Variants in CSMD1 observed in about 807,000 individuals in gnomAD.
CSMD1 encodes the protein CUB and sushi domain-containing protein 1.
In CSMD1, 213 loss-of-function variants were observed where a neutral mutation model predicts 417.5. The observed-to-expected ratio is 0.51, with a 90% CI of 0.46 to 0.57. The LOEUF is 0.57. CSMD1 is among the 20% of genes least tolerant of loss of function. The pLI is 0.00. For missense variants in CSMD1, 6,923 were observed against 4,529.7 expected, an observed-to-expected ratio of 1.53 and a Z score of -15.17; for synonymous variants, 2,862 against 1,736.8, an observed-to-expected ratio of 1.65 and a Z score of -16.11.
chr8:3,864,929 A>C (rs946365567), intron 5 of CSMD1, among the ~76,000 whole-genome samples: 1 of 152,174 alleles, frequency 6.6e-6, no homozygotes, highest in African/African-American at 2.4e-5. Context: ...GTGGTCTCGG[A>C]CTTCTGTTCT....
At chr8:3,841,313 C>T (rs1320079570) in intron 5 of CSMD1, among the ~76,000 whole-genome samples, 2 of 152,082 alleles carry the variant, frequency 1.3e-5, no homozygotes, top group Non-Finnish European at 2.9e-5. Context: ...CATAGATTGG[C>T]AAAATAAATT....
chr8:2,957,867 G>T, intron 62 of CSMD1, 60 bp from the exon 63 acceptor site: 1 of 1,159,024 alleles, frequency 8.6e-7, no homozygotes, highest in Non-Finnish European at 1.3e-6. Context: ...GTGTCAACTA[G>T]TGATACCTGA....
At chr8:4,879,678 G>A (rs985298218) in intron 1 of CSMD1, among the ~76,000 whole-genome samples, 1 of 151,950 alleles carries the variant, frequency 6.6e-6, no homozygotes, top group Admixed American at 6.6e-5. Context: ...TAGAAAGCAG[G>A]AGAATCGGGA....
intron 2 of CSMD1, among the ~76,000 whole-genome samples, chr8:4,561,134 G>A (rs144945024): frequency 6.6e-6 from 1 of 152,150 alleles, no homozygotes; most frequent in Admixed American, 6.5e-5. Context: ...TAATTTGAGA[G>A]GCCAAGGCAG....
At chr8:3,387,119 G>C (rs949541949) in intron 18 of CSMD1, among the ~76,000 whole-genome samples, 5 of 152,102 alleles carry the variant, frequency 3.3e-5, no homozygotes, top group Non-Finnish European at 4.4e-5. Context: ...TGTAGACTGA[G>C]AGGAAGTGAG....
intron 4 of CSMD1, among the ~76,000 whole-genome samples, chr8:4,007,618 T>C (rs1816228912): frequency 6.6e-6 from 1 of 152,228 alleles, no homozygotes; most frequent in South Asian, 2.1e-4. Context: ...ATGAGCCTGT[T>C]CTTGCACTTG....
intron 5 of CSMD1, among the ~76,000 whole-genome samples, chr8:3,819,106 G>C (rs1801566720): frequency 6.6e-6 from 1 of 152,190 alleles, no homozygotes; most frequent in Non-Finnish European, 1.5e-5. Flanking sequence ...GAAAAGTGTA[G>C]GAGGAGATGG....
intron 1 of CSMD1, among the ~76,000 whole-genome samples, chr8:4,876,717 ATCATGACC>A (rs1400027938): frequency 6.6e-6 from 1 of 152,082 alleles, no homozygotes; most frequent in Non-Finnish European, 1.5e-5. Context: ...CTAAGACAAT[ATCATGACC>A]TCTTTCTTGT....
intron 5 of CSMD1, among the ~76,000 whole-genome samples, chr8:3,959,829 A>T (rs1454043404): frequency 6.6e-6 from 1 of 152,178 alleles, no homozygotes; most frequent in Non-Finnish European, 1.5e-5. Flanking sequence ...ATTATACACC[A>T]AGTGATGTAG....
chr8:4,047,000 C>A (rs181598219), intron 3 of CSMD1, among the ~76,000 whole-genome samples: 8 of 152,304 alleles, frequency 5.3e-5, no homozygotes, highest in Non-Finnish European at 7.3e-5. Flanking sequence ...CTCCCTGATG[C>A]ATGACTTAGC....
At chr8:3,504,386 T>A (rs967419196) in intron 10 of CSMD1, among the ~76,000 whole-genome samples, 1 of 152,186 alleles carries the variant, frequency 6.6e-6, no homozygotes, top group Admixed American at 6.5e-5. Context: ...ATGAGAATGA[T>A]GCCGATTTCC....
chr8:3,095,669 T>C (rs866927263), intron 47 of CSMD1, among the ~76,000 whole-genome samples: 3 of 152,210 alleles, frequency 2.0e-5, no homozygotes, highest in Non-Finnish European at 2.9e-5. Context: ...TTTCACTGAA[T>C]TGATTGTAAT....
intron 3 of CSMD1, among the ~76,000 whole-genome samples, chr8:4,192,226 G>A (rs1367584071): frequency 3.9e-5 from 6 of 152,280 alleles, no homozygotes; most frequent in Non-Finnish European, 7.4e-5. Context: ...ATGATTGAAT[G>A]TTAACAAAAT....
At chr8:3,777,877 T>C (rs13439097) in intron 5 of CSMD1, among the ~76,000 whole-genome samples, 2,145 of 52,234 alleles carry the variant, frequency 0.041, no homozygotes, top group Middle Eastern at 0.069. Flanking sequence ...AGACCCGCAG[T>C]CTCCTTGAAG....
intron 5 of CSMD1, among the ~76,000 whole-genome samples, chr8:3,901,232 TTAG>T (rs1175269032): frequency 6.6e-6 from 1 of 152,190 alleles, no homozygotes; most frequent in Non-Finnish European, 1.5e-5. Flanking sequence ...TTTCAAATGC[TTAG>T]TAATGTTCTT....
Position 3,342,634 on chromosome 8 carries a change from T to C in CSMD1, c.3631+660A>G, listed in dbSNP as rs370496321. ...TTTATTTCCCTGTTCTTTTGGCTTCTTCATTTACATCTTTAAAAACATATT... is the reference window on the plus strand; with the variant it reads ...TTTATTTCCCTGTTCTTTTGGCTTCCTCATTTACATCTTTAAAAACATATT... On this transcript the variant is annotated intron_variant, in intron 23 of 69. Transcript: ENST00000635120. Among the ~76,000 whole-genome samples the C allele has an allele frequency of 2.6e-4, 40 of 152,340 alleles. 1 individual carries two copies. Among genetic ancestry groups the C allele is most frequent in the African/African-American group, 8.9e-4 (37 of 41,570 alleles).
At chr8:4,552,386 C>A (rs945512256) in intron 2 of CSMD1, among the ~76,000 whole-genome samples, 26 of 151,974 alleles carry the variant, frequency 1.7e-4, no homozygotes, top group Non-Finnish European at 4.4e-5. Context: ...CTACTCAAAT[C>A]CCGAATCCTG....
chr8:3,468,885 T>G lies in CSMD1; in HGVS notation c.1449-61A>C, dbSNP rs984557769. On this transcript the variant is annotated intron_variant, in intron 11 of 69. Coordinates refer to ENST00000635120, the MANE Select transcript of CSMD1 (RefSeq NM_033225.6). ...GGCAACAAGTACATCGACTTCCACC[T>G]GAAAGGAGGGTCTTGCTGCTTTAAA... 7.2e-6 allele frequency: 8 copies of G among 1,115,422 alleles called. No individual in the cohort carries two copies. The Admixed American group carries it at 8.1e-5, about 11-fold the overall frequency. The allele number at this position is 1,115,422 out of a possible 1,614,324, so 69.1% of individuals were successfully genotyped here. A position where few individuals can be genotyped will look rare whatever the true frequency, so the allele number is the denominator to read the frequency against.
At chr8:3,797,325 G>C (rs777982958) in intron 5 of CSMD1, among the ~76,000 whole-genome samples, 14 of 151,924 alleles carry the variant, frequency 9.2e-5, no homozygotes, top group Non-Finnish European at 1.5e-5. Flanking sequence ...ATAATTCAAT[G>C]ATTGTTGACA....
Sources: allele counts gnomAD v4.1 joint callset (sites outside exome capture counted in the v4.1 genomes callset), GRCh38; gene constraint gnomAD v4.1.1; transcripts MANE v1.5; gene names NCBI Gene and HGNC (gene_info 2026-07-23, HGNC 2026-07-21).